The following ANKFN1 variants were observed in gnomAD, a reference collection of about 807,000 sequenced individuals.
ANKFN1 encodes ankyrin repeat and fibronectin type III domain containing 1, also known as ankyrin repeat and fibronectin type-III domain-containing protein 1.
In ANKFN1, 74 loss-of-function variants were observed where a neutral mutation model predicts 108.7. The ratio of observed to expected loss-of-function variants is 0.68; its 90% CI spans 0.56 to 0.83. The LOEUF is 0.83. Among genes scored for constraint, ANKFN1 ranks in the 40% least tolerant of loss-of-function variants. The pLI, the probability that ANKFN1 is intolerant of heterozygous loss-of-function variation, is 0.00. For missense variants in ANKFN1, 1,505 were observed against 1,382.3 expected (o/e 1.09, Z -1.41); for synonymous variants, 547 against 516.2 (o/e 1.06, Z -0.81).
Position 56,374,630 on chromosome 17 carries a change from C to T in ANKFN1, c.826C>T (p.Leu276Phe), listed in dbSNP as rs777568167. The T allele has an allele frequency of 3.7e-6, 6 of 1,613,940 alleles. No homozygotes were observed. Among genetic ancestry groups the T allele is most frequent in the Non-Finnish European group, 5.1e-6 (6 of 1,179,838 alleles). ...RAPEMPTNVC[L>F]MVTSSTSLTV... is the part of the protein sequence containing the mutation. ...CCCTGAGATGCCAACCAATGTCTGTCTCATGGTAACCAGCAGCACATCACT... is the reference window on the plus strand; with the variant it reads ...CCCTGAGATGCCAACCAATGTCTGTTTCATGGTAACCAGCAGCACATCACT... The change falls in exon 8 of 21, where the codon CTC (leucine) becomes TTC (phenylalanine). Residue 276 changes from leucine to phenylalanine, a missense_variant. Transcript: ENST00000682825.
intron 1 of ANKFN1, among the ~76,000 whole-genome samples, chr17:56,200,798 T>C (rs1274577665): frequency 6.6e-6 from 1 of 152,216 alleles, no homozygotes; most frequent in Non-Finnish European, 1.5e-5. Flanking sequence ...ATATCTACTC[T>C]TGATTCCTCT....
At chr17:56,392,247 G>A (rs925918866) in intron 8 of ANKFN1, among the ~76,000 whole-genome samples, 3 of 152,166 alleles carry the variant, frequency 2.0e-5, no homozygotes, top group Admixed American at 6.5e-5. Context: ...TTGAACCCAC[G>A]CATTGTTACG....
At chr17:56,472,841 A>G (rs1194961082) in intron 15 of ANKFN1, 1 of 152,240 alleles carries the variant, frequency 6.6e-6, no homozygotes, top group Non-Finnish European at 1.5e-5. Context: ...CCATGAGGGT[A>G]GTTAAGTTAA....
intron 1 of ANKFN1, among the ~76,000 whole-genome samples, chr17:56,177,767 A>G (rs193059149): frequency 6.6e-4 from 101 of 152,132 alleles, no homozygotes; most frequent in African/African-American, 2.4e-3. Context: ...CTAAGCTCCT[A>G]ATTTTACTAT....
chr17:56,378,695 C>G (rs1567956908), intron 8 of ANKFN1, among the ~76,000 whole-genome samples: 1 of 151,952 alleles, frequency 6.6e-6, no homozygotes, highest in Non-Finnish European at 1.5e-5. Context: ...ATGAGAGCAA[C>G]GAGGAGGAGC....
At chr17:56,401,945 G>A (rs1567974680) in intron 8 of ANKFN1, among the ~76,000 whole-genome samples, 1 of 152,104 alleles carries the variant, frequency 6.6e-6, no homozygotes, top group Non-Finnish European at 1.5e-5. Context: ...CATCTATTAA[G>A]ATTATCATGT....
chr17:56,371,773 C>T (rs1287452925), intron 6 of ANKFN1, among the ~76,000 whole-genome samples: 1 of 152,132 alleles, frequency 6.6e-6, no homozygotes, highest in Non-Finnish European at 1.5e-5. Flanking sequence ...CACTGCTCAG[C>T]ACAAGAAAGG....
chr17:56,480,224 C>T (rs2050649806), intron 16 of ANKFN1, among the ~76,000 whole-genome samples: 1 of 152,148 alleles, frequency 6.6e-6, no homozygotes, highest in African/African-American at 2.4e-5. Flanking sequence ...TTACAACAGG[C>T]CAGGGTTGAA....
chr17:56,320,705 G>C (rs1423715828), intron 3 of ANKFN1, among the ~76,000 whole-genome samples: 1 of 152,130 alleles, frequency 6.6e-6, no homozygotes, highest in Admixed American at 6.6e-5. Flanking sequence ...GCTACAGCCC[G>C]GTGAGAGGCT....
At chr17:56,424,529 G>C (rs988838841) in intron 8 of ANKFN1, among the ~76,000 whole-genome samples, 3 of 152,194 alleles carry the variant, frequency 2.0e-5, no homozygotes, top group African/African-American at 7.2e-5. Context: ...AAAATGTTAT[G>C]GAACTGCAAG....
intron 8 of ANKFN1, among the ~76,000 whole-genome samples, chr17:56,379,366 T>C (rs1362450252): frequency 6.7e-6 from 1 of 148,430 alleles, no homozygotes; most frequent in African/African-American, 2.5e-5. Context: ...GCCACTGCAC[T>C]CCAGCCTGGG....
At chr17:56,348,726 A>C (rs2046169159) in intron 4 of ANKFN1, among the ~76,000 whole-genome samples, 1 of 152,184 alleles carries the variant, frequency 6.6e-6, no homozygotes, top group Non-Finnish European at 1.5e-5. Flanking sequence ...CTATTACTAA[A>C]AAGTCAAAAA....
rs944362705 is a variant in ANKFN1, at chr17:56,515,683, A to G, written c.*4414A>G. On this transcript the variant is annotated 3_prime_UTR_variant, in exon 21 of 21. Transcript: ENST00000682825. ...TTTTTCTGAGGTGTTGAACTTTGCC[A>G]TTAGCAAAAAGTATTTTTAGAAAAA... Among the ~76,000 whole-genome samples the G allele has an allele frequency of 6.6e-6, 1 of 152,244 alleles. No homozygotes were observed. The highest frequency in any genetic ancestry group is 2.4e-5 in the African/African-American group (1 of 41,468).
intron 3 of ANKFN1, among the ~76,000 whole-genome samples, chr17:56,274,959 A>G (rs564786259): frequency 6.6e-6 from 1 of 152,264 alleles, no homozygotes; most frequent in East Asian, 1.9e-4. Flanking sequence ...CTCATCTGTA[A>G]AATGGACTGA....
intron 8 of ANKFN1, among the ~76,000 whole-genome samples, chr17:56,416,294 A>C (rs569389003): frequency 1.3e-5 from 2 of 152,330 alleles, no homozygotes; most frequent in South Asian, 4.1e-4. Flanking sequence ...ATGTTTGCAA[A>C]CTACCCATCT....
At chr17:56,239,735 C>T (rs1435917874) in intron 3 of ANKFN1, among the ~76,000 whole-genome samples, 2 of 152,034 alleles carry the variant, frequency 1.3e-5, no homozygotes, top group South Asian at 2.1e-4. Flanking sequence ...GATTTCTAAA[C>T]TCCGAAGAAA....
chr17:56,229,758 T>C (rs908634043), intron 3 of ANKFN1, among the ~76,000 whole-genome samples: 3 of 151,810 alleles, frequency 2.0e-5, no homozygotes, highest in African/African-American at 7.3e-5. Flanking sequence ...TTTTCACATT[T>C]TTTTTTTCTC....
At chr17:56,111,841 T>C (rs1162509331) in intron 4 of ANKFN1, among the ~76,000 whole-genome samples, 2 of 152,208 alleles carry the variant, frequency 1.3e-5, no homozygotes, top group Non-Finnish European at 2.9e-5. Context: ...GTTTATTCCA[T>C]TAACTCTGAA....
chr17:56,482,075 A>G (rs1487235694), intron 17 of ANKFN1, among the ~76,000 whole-genome samples: 1 of 152,066 alleles, frequency 6.6e-6, no homozygotes, highest in Non-Finnish European at 1.5e-5. Context: ...TGCTTCATGT[A>G]ATTATAGTCA....
Sources: allele counts gnomAD v4.1 joint callset (sites outside exome capture counted in the v4.1 genomes callset), GRCh38; gene constraint gnomAD v4.1.1; transcripts MANE v1.5; gene names NCBI Gene and HGNC (gene_info 2026-07-23, HGNC 2026-07-21).